UTRN: variants seen among roughly 807,000 people sequenced by gnomAD.
UTRN encodes utrophin, also known as dystrophin-related protein 1.
A neutral mutation model predicts 463.9 loss-of-function variants in UTRN; 283 were observed. The observed-to-expected ratio is 0.61, with a 90% CI of 0.55 to 0.67. The LOEUF (loss-of-function observed/expected upper bound fraction) is 0.67, where lower values mean the gene tolerates loss of function less well. UTRN is among the 30% of genes least tolerant of loss of function. The probability of loss-of-function intolerance (pLI) is 0.00; values close to 1 mark genes in which losing one functional copy is unlikely to be tolerated. For synonymous variants in UTRN, 1,442 were observed against 1,431.5 expected (o/e 1.01, Z -0.17); for missense variants, 3,922 against 4,084.3 (o/e 0.96, Z 1.08).
At chr6:144,640,031 A>G (rs1021438263) in intron 51 of UTRN, among the ~76,000 whole-genome samples, 2 of 151,252 alleles carry the variant, frequency 1.3e-5, no homozygotes, top group African/African-American at 4.9e-5. Context: ...CCCAGTGAAC[A>G]AAGTGTTTTT....
At chr6:144,616,284 G>A (rs1365912958) in intron 51 of UTRN, among the ~76,000 whole-genome samples, 1 of 152,082 alleles carries the variant, frequency 6.6e-6, no homozygotes, top group Non-Finnish European at 1.5e-5. Context: ...TACCATTATT[G>A]CTTAAGAACT....
rs1267986057 is a variant in UTRN, at chr6:144,499,287, G to A, written c.4624G>A (p.Ala1542Thr). ...AGAAGGAAAACAGGATCTGGAAAGAGCATCACAGTTGGCCCGGAAAATGAA... is the reference window on the plus strand; with the variant it reads ...AGAAGGAAAACAGGATCTGGAAAGAACATCACAGTTGGCCCGGAAAATGAA... Reference protein sequence around the residue: ...VTEGKQDLERASQLARKMKKE... With the variant: ...VTEGKQDLERTSQLARKMKKE... The change falls in exon 34 of 75, where the codon GCA (alanine) becomes ACA (threonine). Residue 1542 changes from alanine to threonine, a missense_variant. Coordinates refer to ENST00000367545, the MANE Select transcript of UTRN (RefSeq NM_007124.3). The A allele has an allele frequency of 1.9e-6, 3 of 1,612,922 alleles. No individual in the cohort carries two copies. Among genetic ancestry groups the A allele is most frequent in the East Asian group, 2.2e-5 (1 of 44,858 alleles).
chr6:144,338,770 G>T (rs1776925557), intron 2 of UTRN, among the ~76,000 whole-genome samples: 1 of 152,096 alleles, frequency 6.6e-6, no homozygotes, highest in African/African-American at 2.4e-5. Flanking sequence ...GGATTTCGTA[G>T]GTACAGATTC....
At chr6:144,836,611 C>T in intron 71 of UTRN, 70 bp downstream of exon 71, 1 of 1,581,408 alleles carries the variant, frequency 6.3e-7, no homozygotes, top group Non-Finnish European at 8.6e-7. Flanking sequence ...GATGATGGTC[C>T]AGGTGTCAGG....
chr6:144,496,114 AT>A (rs1460818477), intron 33 of UTRN, among the ~76,000 whole-genome samples: 2 of 152,306 alleles, frequency 1.3e-5, no homozygotes, highest in African/African-American at 2.4e-5. Flanking sequence ...GAGTGAATGA[AT>A]TTTTGCCCTG....
At chr6:144,459,107 C>T (rs978345437) in intron 20 of UTRN, 67 bp from the exon 21 acceptor site, 8 of 1,576,298 alleles carry the variant, frequency 5.1e-6, no homozygotes, top group Non-Finnish European at 6.9e-6. Flanking sequence ...TTAATGCTGC[C>T]CTGATTAACT....
intron 51 of UTRN, among the ~76,000 whole-genome samples, chr6:144,581,751 T>C (rs1801988698): frequency 6.6e-6 from 1 of 152,208 alleles, no homozygotes; most frequent in Admixed American, 6.5e-5. Context: ...CATTTGTTTC[T>C]AGTCTATTCA....
At chr6:144,345,829 A>G (rs1384502603) in intron 2 of UTRN, among the ~76,000 whole-genome samples, 2 of 152,184 alleles carry the variant, frequency 1.3e-5, no homozygotes, top group Admixed American at 6.5e-5. Flanking sequence ...GGGTAACCTT[A>G]ATGATTGAAA....
In UTRN at chr6:144,622,184, G is replaced by GTTGT. The variant is rs1371864579; in HGVS notation, c.7479+44898_7479+44899insGTTT. On this transcript the variant is annotated intron_variant, in intron 51 of 74. Coordinates refer to ENST00000367545, the MANE Select transcript of UTRN (RefSeq NM_007124.3). ...TAGATGGTATCCATTTTTTTTTGTTGTTTTTTTTTTTTTTTTTTTTTGGAG... is the reference window on the plus strand; with the variant it reads ...TAGATGGTATCCATTTTTTTTTGTTGTTGTTTTTTTTTTTTTTTTTTTTTTGGAG... Among the ~76,000 whole-genome samples the GTTGT allele has an allele frequency of 3.9e-3, 340 of 88,268 alleles. 21 individuals carry two copies. The East Asian group carries it at 0.1, about 27-fold the overall frequency. The allele number at this position is 88,268 out of a possible 152,430, so 57.9% of individuals were successfully genotyped here.
intron 2 of UTRN, among the ~76,000 whole-genome samples, chr6:144,388,481 A>ATTATTTATTTAT (rs57479570): frequency 0.071 from 10,195 of 143,902 alleles, 496 homozygotes; most frequent in African/African-American, 0.11. Context: ...CCTGGCTAAT[A>ATTATTTATTTAT]TTATTTATTT....
chr6:144,325,576 C>T (rs1419776670), intron 2 of UTRN, among the ~76,000 whole-genome samples: 4 of 152,188 alleles, frequency 2.6e-5, no homozygotes, highest in African/African-American at 9.7e-5. Flanking sequence ...CCTCCCATCG[C>T]TGATCAGCCA....
At chr6:144,467,766 T>G (rs998311820) in intron 23 of UTRN, among the ~76,000 whole-genome samples, 3 of 152,188 alleles carry the variant, frequency 2.0e-5, no homozygotes, top group Non-Finnish European at 2.9e-5. Flanking sequence ...TATAATTATC[T>G]CATAAGGGTT....
chr6:144,740,106 G>C (rs1455852438), intron 54 of UTRN, among the ~76,000 whole-genome samples: 1 of 152,186 alleles, frequency 6.6e-6, no homozygotes, highest in Non-Finnish European at 1.5e-5. Context: ...GAGAGTCTGA[G>C]AGGCTTAGAG....
intron 34 of UTRN, among the ~76,000 whole-genome samples, chr6:144,505,189 T>G (rs1794592564): frequency 6.6e-6 from 1 of 152,174 alleles, no homozygotes; most frequent in Non-Finnish European, 1.5e-5. Context: ...CTTATCTATT[T>G]TATTAATCTT....
intron 2 of UTRN, among the ~76,000 whole-genome samples, chr6:144,363,557 G>A (rs1779254729): frequency 1.3e-5 from 2 of 152,280 alleles, no homozygotes; most frequent in Middle Eastern, 3.4e-3. Context: ...ACCTGCAGAT[G>A]GGCAGAGATA....
intron 27 of UTRN, among the ~76,000 whole-genome samples, chr6:144,484,146 C>T (rs905176706): frequency 3.3e-5 from 5 of 152,200 alleles, no homozygotes; most frequent in Non-Finnish European, 7.3e-5. Flanking sequence ...TTTCCACCCA[C>T]TACACAACCC....
chr6:144,533,498 A>T (rs1797247723), intron 43 of UTRN, among the ~76,000 whole-genome samples: 1 of 152,066 alleles, frequency 6.6e-6, no homozygotes, highest in Non-Finnish European at 1.5e-5. Flanking sequence ...CCTTTTATTT[A>T]CAACTGCTTA....
chr6:144,591,795 GA>G (rs1014895163), intron 51 of UTRN, among the ~76,000 whole-genome samples: 8 of 150,432 alleles, frequency 5.3e-5, no homozygotes, highest in South Asian at 2.1e-4. Flanking sequence ...ATTATAGCCG[GA>G]AAAAAAAAGT....
At position 144,782,087 on chromosome 6, in the gene UTRN, A is replaced by G; in HGVS notation, c.8798A>G (p.Asp2933Gly). The change falls in exon 61 of 75, where the codon GAT becomes GGT. Residue 2933 changes from aspartate to glycine, a missense_variant. Transcript: ENST00000367545. ...CTGGTCAACGTTCCACTCTGTGTTGATATGTGTCTCAATTGGTTGCTCAAT... is the reference window on the plus strand; with the variant it reads ...CTGGTCAACGTTCCACTCTGTGTTGGTATGTGTCTCAATTGGTTGCTCAAT... ...KDLVNVPLCV[D>G]MCLNWLLNVY... 1 of 1,613,136 alleles carries G rather than the reference A, an allele frequency of 6.2e-7. No individual in the cohort carries two copies. The highest frequency in any genetic ancestry group is 2.2e-5 in the East Asian group (1 of 44,816).
Sources: gnomAD v4.1 joint callset for allele counts (sites outside exome capture counted in the v4.1 genomes callset) on GRCh38, gnomAD v4.1.1 for gene constraint, MANE v1.5 for transcripts, NCBI Gene and HGNC (gene_info 2026-07-23, HGNC 2026-07-21) for gene names.